The following RICTOR variants were observed in gnomAD, a reference collection of about 807,000 sequenced individuals.
The protein encoded by RICTOR is RPTOR independent companion of MTOR complex 2, also known as rapamycin-insensitive companion of mTOR.
A neutral mutation model predicts 214.9 loss-of-function variants in RICTOR; 49 were observed. The ratio of observed to expected loss-of-function variants is 0.23; its 90% CI spans 0.18 to 0.29. RICTOR has a LOEUF of 0.29. RICTOR is among the 10% of genes least tolerant of loss of function. RICTOR has a pLI of 1.00. For missense variants in RICTOR, 1,625 were observed against 2,047.0 expected, an observed-to-expected ratio of 0.79 and a Z score of 3.98; for synonymous variants, 717 against 711.3, an observed-to-expected ratio of 1.01 and a Z score of -0.13.
intron 6 of RICTOR, among the ~76,000 whole-genome samples, chr5:38,994,424 A>AG (rs1753019451): frequency 2.9e-5 from 1 of 35,022 alleles, no homozygotes; most frequent in Non-Finnish European, 5.7e-5. Context: ...TTTACTAAAA[A>AG]AAAAAAAAAA....
chr5:39,054,657 A>AT (rs1758082336), intron 2 of RICTOR, among the ~76,000 whole-genome samples: 2 of 152,204 alleles, frequency 1.3e-5, no homozygotes, highest in South Asian at 4.1e-4. Context: ...TTCAGTCTAC[A>AT]TTTTTTGAGT....
chr5:39,052,566 C>T (rs2150189539), intron 2 of RICTOR, among the ~76,000 whole-genome samples: 1 of 152,222 alleles, frequency 6.6e-6, no homozygotes, highest in Admixed American at 6.5e-5. Flanking sequence ...TTGATCCAGA[C>T]CTGTACAAAT....
intron 2 of RICTOR, among the ~76,000 whole-genome samples, chr5:39,026,933 G>A (rs773084242): frequency 1.3e-5 from 2 of 151,876 alleles, no homozygotes; most frequent in South Asian, 2.1e-4. Context: ...ACTTGAACCC[G>A]GGAAACGGAG....
intron 2 of RICTOR, among the ~76,000 whole-genome samples, chr5:39,021,506 T>C (rs571683349): frequency 6.6e-6 from 1 of 152,300 alleles, no homozygotes; most frequent in South Asian, 2.1e-4. Flanking sequence ...TCTGCCCCCA[T>C]GAATGGATTG....
At chr5:38,989,942 G>A (rs1015171798) in intron 7 of RICTOR, among the ~76,000 whole-genome samples, 2 of 152,038 alleles carry the variant, frequency 1.3e-5, no homozygotes, top group East Asian at 3.9e-4. Context: ...GAAGAGTGTG[G>A]CAATTCCTCA....
intron 7 of RICTOR, among the ~76,000 whole-genome samples, chr5:38,990,639 C>CATATCAGATATATATCAG (rs1752586703): frequency 1.2e-5 from 1 of 82,298 alleles, no homozygotes; most frequent in Non-Finnish European, 2.5e-5. Flanking sequence ...ATATATCTGA[C>CATATCAGATATATATCAG]ATATATCAGA....
Position 38,968,716 on chromosome 5 carries a change from T to C in RICTOR, c.973-686A>G, listed in dbSNP as rs115472717. 2.6e-3 allele frequency among the ~76,000 whole-genome samples: 387 copies of C among 148,558 alleles called. 1 individual carries two copies. Among genetic ancestry groups the C allele is most frequent in the African/African-American group, 9.2e-3 (369 of 40,152 alleles). On this transcript the variant is annotated intron_variant, in intron 11 of 37. Coordinates refer to ENST00000357387, the MANE Select transcript of RICTOR (RefSeq NM_152756.5). ...TCATTCCACTGCACTCTAGCCTGGG[T>C]GACAGCAAGACCCTGCCTCTTAAAA...
At chr5:38,995,412 T>C (rs956134383) in intron 6 of RICTOR, among the ~76,000 whole-genome samples, 7 of 151,472 alleles carry the variant, frequency 4.6e-5, no homozygotes, top group African/African-American at 1.7e-4. Flanking sequence ...GGACCAGAGG[T>C]GGGGGGAGTT....
chr5:39,043,095 G>A (rs966607647), intron 2 of RICTOR, among the ~76,000 whole-genome samples: 2 of 152,114 alleles, frequency 1.3e-5, no homozygotes, highest in Non-Finnish European at 1.5e-5. Context: ...TTGCCAAATG[G>A]ATGATCCAGC....
chr5:38,957,641 TAAG>T lies in RICTOR; in HGVS notation c.2499+8_2499+10del. 7.1e-7 allele frequency: 1 copy of T among 1,408,612 alleles called. No homozygotes were observed. The highest frequency in any genetic ancestry group is 9.9e-7 in the Non-Finnish European group (1 of 1,007,610). The allele number at this position is 1,408,612 out of a possible 1,614,324, so 87.3% of individuals were successfully genotyped here. The stretch of plus-strand genomic sequence containing the variant: ...ACACACAAATTCAACTTTATTCAAA[TAAG>T]AAGTTACCCTGTGCCACTTTTCCAA... On this transcript the variant is annotated splice_region_variant and intron_variant, in intron 25 of 37. Transcript: ENST00000357387.
At position 38,959,281 on chromosome 5, in the gene RICTOR, G is replaced by T; in HGVS notation, c.2092C>A (p.Leu698Ile). The change falls in exon 22 of 38, where the codon CTA becomes ATA. Residue 698 changes from leucine (L) to isoleucine (I), a missense_variant. Transcript: ENST00000357387. ...TCCAAGCTAGAAACAGTAAGTTTTA[G>T]CAAGTGATCTTGGTTTTTCAAGGAG... Reference protein sequence around the residue: ...LCSLKNQDHLLKLTVSSLDYS... With the variant: ...LCSLKNQDHLIKLTVSSLDYS... The T allele has an allele frequency of 6.3e-7, 1 of 1,591,084 alleles. No homozygotes were observed. Among genetic ancestry groups the T allele is most frequent in the South Asian group, 1.2e-5 (1 of 86,606 alleles).
intron 2 of RICTOR, among the ~76,000 whole-genome samples, chr5:39,059,435 T>C (rs1334153513): frequency 2.6e-5 from 4 of 152,136 alleles, no homozygotes; most frequent in Non-Finnish European, 5.9e-5. Flanking sequence ...TTGATCTGGG[T>C]TCTGATTCCC....
At position 38,953,448 on chromosome 5, in the gene RICTOR, G is replaced by T; in HGVS notation, c.2790+13C>A. The T allele has an allele frequency of 2.4e-6, 3 of 1,231,374 alleles. No homozygotes were observed. The highest frequency in any genetic ancestry group is 3.4e-6 in the Non-Finnish European group (3 of 891,608). 76.3% of individuals were successfully genotyped at this position (1,231,374 alleles called of 1,614,324 possible). A position where few individuals can be genotyped will look rare whatever the true frequency, so the allele number is the denominator to read the frequency against. On this transcript the variant is annotated intron_variant, in intron 28 of 37. Coordinates refer to ENST00000357387, the MANE Select transcript of RICTOR (RefSeq NM_152756.5). ...AAAATTGCGAAGATCTTACAGAAGT[G>T]TTTATTACAAACCAAGGCCCAAAGA...
chr5:38,944,969 T>C lies in RICTOR; in HGVS notation c.4733A>G (p.Asp1578Gly). The change falls in exon 35 of 38, where the codon GAT (aspartate) becomes GGT (glycine). Residue 1578 changes from aspartate to glycine, a missense_variant. Coordinates refer to ENST00000357387, the MANE Select transcript of RICTOR (RefSeq NM_152756.5). The part of the protein sequence containing the change: ...SKFSGISGCS[D>G]GVSQEGSASS... ...AGCTGAGCCTTCTTGAGACACCCCA[T>C]CACTGCATCCAGAAATCCCCGAAAA... is the stretch of plus-strand genomic sequence containing the variant. 1 of 1,613,984 alleles carries C rather than the reference T, an allele frequency of 6.2e-7. No homozygotes were observed. Among genetic ancestry groups the C allele is most frequent in the South Asian group, 1.1e-5 (1 of 91,076 alleles).
chr5:38,982,471 G>A lies in RICTOR; in HGVS notation c.584-435C>T, dbSNP rs115744167. 7.6e-3 allele frequency among the ~76,000 whole-genome samples: 1,155 copies of A among 152,092 alleles called. 15 individuals are homozygous for A. The highest frequency in any genetic ancestry group is 0.026 in the African/African-American group (1,096 of 41,486). On this transcript the variant is annotated intron_variant, in intron 7 of 37. Coordinates refer to ENST00000357387, the MANE Select transcript of RICTOR (RefSeq NM_152756.5). ...ATAATTTTAAGCTCAAAAATTTCTT[G>A]CTCCAAAGATCAGGCATTTATTTGC...
At chr5:39,039,378 G>C (rs1347111324) in intron 2 of RICTOR, among the ~76,000 whole-genome samples, 1 of 152,090 alleles carries the variant, frequency 6.6e-6, no homozygotes, top group Non-Finnish European at 1.5e-5. Context: ...AGAAAACCTA[G>C]GCAATACCAT....
At chr5:39,034,636 T>C (rs990622988) in intron 2 of RICTOR, among the ~76,000 whole-genome samples, 2 of 152,182 alleles carry the variant, frequency 1.3e-5, no homozygotes, top group African/African-American at 4.8e-5. Context: ...GCTGTTCCAA[T>C]GGGCTTAACA....
chr5:38,954,834 A>T lies in RICTOR; in HGVS notation c.2637T>A (p.Pro879=). The change falls in exon 27 of 38, where the codon CCT becomes CCA. Residue 879 remains proline (P), a synonymous_variant. Coordinates refer to ENST00000357387, the MANE Select transcript of RICTOR (RefSeq NM_152756.5). ...QRLQRPHVYL[P]IHLYGQLVHH... is the part of the protein sequence containing the mutation. ...GTACTAGTTGTCCATAAAGGTGTATAGGCAGGTAGACGTGAGGACGCTGTA... is the reference window on the plus strand; with the variant it reads ...GTACTAGTTGTCCATAAAGGTGTATTGGCAGGTAGACGTGAGGACGCTGTA... 1 of 1,602,272 alleles carries T rather than the reference A, an allele frequency of 6.2e-7. No individual in the cohort carries two copies. The highest frequency in any genetic ancestry group is 1.1e-5 in the South Asian group (1 of 90,626).
chr5:39,001,012 G>T (rs1239253), intron 5 of RICTOR, among the ~76,000 whole-genome samples: 6,844 of 152,066 alleles, frequency 0.045, 284 homozygotes, highest in African/African-American at 0.1. Flanking sequence ...AATTCAGTAT[G>T]AAGATGTAAA....
Sources: allele counts gnomAD v4.1 joint callset (sites outside exome capture counted in the v4.1 genomes callset), GRCh38; gene constraint gnomAD v4.1.1; transcripts MANE v1.5; gene names NCBI Gene and HGNC (gene_info 2026-07-23, HGNC 2026-07-21).